Variants in LSAMP observed in about 807,000 individuals in gnomAD.
The protein encoded by LSAMP is limbic system associated membrane protein.
In LSAMP, 7 loss-of-function variants were observed where a neutral mutation model predicts 38.6. The ratio of observed to expected loss-of-function variants is 0.18; its 90% CI spans 0.10 to 0.34. LSAMP has a LOEUF of 0.34. Ranked by LOEUF, LSAMP falls within the 10% of genes least tolerant of loss-of-function variation. The probability of loss-of-function intolerance (pLI) is 1.00; values close to 1 mark genes in which losing one functional copy is unlikely to be tolerated. For missense variants in LSAMP, 313 were observed against 420.0 expected (o/e 0.75, Z 2.23); for synonymous variants, 154 against 166.8 (o/e 0.92, Z 0.59).
chr3:115,815,682 T>C (rs989738996), intron 6 of LSAMP, among the ~76,000 whole-genome samples: 5 of 152,230 alleles, frequency 3.3e-5, no homozygotes, highest in African/African-American at 1.2e-4. Context: ...ATCAAAGCCA[T>C]AATGTATCAC....
chr3:116,313,221 T>G (rs2047582239), intron 1 of LSAMP, among the ~76,000 whole-genome samples: 1 of 152,218 alleles, frequency 6.6e-6, no homozygotes, highest in Non-Finnish European at 1.5e-5. Context: ...ACCACAGCTC[T>G]GCAACACTCG....
At chr3:116,187,058 G>T (rs753092461) in intron 1 of LSAMP, among the ~76,000 whole-genome samples, 2 of 152,106 alleles carry the variant, frequency 1.3e-5, no homozygotes, top group African/African-American at 4.8e-5. Flanking sequence ...CTCTTATCCT[G>T]ATGTCTCTGA....
chr3:115,886,153 C>T (rs942163287), intron 3 of LSAMP, among the ~76,000 whole-genome samples: 6 of 151,790 alleles, frequency 4.0e-5, no homozygotes, highest in Admixed American at 3.9e-4. Context: ...TAATCCATAT[C>T]AGTGAGGAGG....
At chr3:116,002,664 CA>C (rs1940032220) in intron 3 of LSAMP, among the ~76,000 whole-genome samples, 1 of 152,096 alleles carries the variant, frequency 6.6e-6, no homozygotes, top group South Asian at 2.1e-4. Flanking sequence ...AATGTCCAGA[CA>C]GGAAGAAAGT....
intron 3 of LSAMP, among the ~76,000 whole-genome samples, chr3:115,866,254 T>G (rs547233953): frequency 1.3e-5 from 2 of 152,258 alleles, no homozygotes; most frequent in African/African-American, 4.8e-5. Context: ...AGACACTAGA[T>G]TCATGACAAA....
rs556836245 is a variant in LSAMP at position 116,035,999 on chromosome 3, T to C, written c.389-16359A>G. Among the ~76,000 whole-genome samples the C allele has an allele frequency of 2.0e-5, 3 of 152,292 alleles. No homozygotes were observed. In the East Asian group the frequency reaches 5.8e-4, roughly 29 times the overall value. The stretch of plus-strand genomic sequence containing the variant: ...CCTTCTTACCTTGTCACAGCGACTG[T>C]GGTGGATACACGATCAAGAAGGCAT... On this transcript the variant is annotated intron_variant, in intron 2 of 6. Transcript: ENST00000490035.
At chr3:115,911,201 G>A (rs569191673) in intron 3 of LSAMP, among the ~76,000 whole-genome samples, 2 of 152,254 alleles carry the variant, frequency 1.3e-5, no homozygotes, top group East Asian at 3.9e-4. Context: ...ATAAATGACA[G>A]CTATAGTAAA....
intron 1 of LSAMP, among the ~76,000 whole-genome samples, chr3:116,259,015 G>C (rs1462604212): frequency 6.6e-6 from 1 of 152,082 alleles, no homozygotes; most frequent in East Asian, 1.9e-4. Context: ...TAGACATTAG[G>C]ATTTAGCTTG....
At chr3:115,937,687 T>C (rs971581869) in intron 3 of LSAMP, among the ~76,000 whole-genome samples, 1 of 151,002 alleles carries the variant, frequency 6.6e-6, no homozygotes, top group Non-Finnish European at 1.5e-5. Flanking sequence ...TATGTAAAAA[T>C]TTTAAATACA....
intron 1 of LSAMP, among the ~76,000 whole-genome samples, chr3:116,191,932 C>G (rs1189792524): frequency 6.6e-6 from 1 of 152,110 alleles, no homozygotes; most frequent in East Asian, 1.9e-4. Flanking sequence ...AGTGTGATCT[C>G]CAGTAAATTA....
In LSAMP at chr3:116,417,629, G is replaced by A. The variant is rs543435224; in HGVS notation, c.155+27248C>T. On this transcript the variant is annotated intron_variant, in intron 1 of 6. Coordinates refer to ENST00000490035, the MANE Select transcript of LSAMP (RefSeq NM_002338.5). ...ACAAGAAAACACAAATCAGAAATAC[G>A]ACAAGGGGGATGAAAAAGGGAGAGA... Among the ~76,000 whole-genome samples the A allele has an allele frequency of 3.9e-5, 6 of 152,212 alleles. No individual in the cohort carries two copies. The East Asian group carries it at 9.7e-4, about 24-fold the overall frequency.
intron 1 of LSAMP, among the ~76,000 whole-genome samples, chr3:116,243,596 T>C (rs2046567543): frequency 6.6e-6 from 1 of 152,224 alleles, no homozygotes; most frequent in Admixed American, 6.5e-5. Flanking sequence ...TTGAATCATC[T>C]ACCCTGAAAC....
intron 2 of LSAMP, among the ~76,000 whole-genome samples, chr3:116,035,874 T>C (rs1045761422): frequency 6.6e-6 from 1 of 152,230 alleles, no homozygotes; most frequent in Non-Finnish European, 1.5e-5. Flanking sequence ...TTCTCCAACC[T>C]CTTGGGGTTC....
At chr3:116,334,598 G>T (rs1016133550) in intron 1 of LSAMP, among the ~76,000 whole-genome samples, 2 of 151,850 alleles carry the variant, frequency 1.3e-5, no homozygotes, top group Non-Finnish European at 2.9e-5. Flanking sequence ...CACACAAAAA[G>T]TCAATCAATG....
intron 1 of LSAMP, among the ~76,000 whole-genome samples, chr3:116,297,474 G>A (rs2047352008): frequency 6.6e-6 from 1 of 152,068 alleles, no homozygotes; most frequent in Non-Finnish European, 1.5e-5. Flanking sequence ...AAACCTTTAT[G>A]TTATCCCTTT....
intron 3 of LSAMP, among the ~76,000 whole-genome samples, chr3:115,952,276 T>TAGC (rs1330227770): frequency 1.3e-5 from 2 of 152,184 alleles, no homozygotes; most frequent in East Asian, 3.9e-4. Flanking sequence ...CGCATGTTTA[T>TAGC]AGCAGCAGAA....
intron 1 of LSAMP, among the ~76,000 whole-genome samples, chr3:116,391,318 C>T (rs2048693198): frequency 6.6e-6 from 1 of 152,012 alleles, no homozygotes; most frequent in East Asian, 1.9e-4. Flanking sequence ...CCCATGTCCC[C>T]GAGGCCGCTG....
At chr3:116,301,234 G>A (rs1186089476) in intron 1 of LSAMP, among the ~76,000 whole-genome samples, 2 of 152,112 alleles carry the variant, frequency 1.3e-5, no homozygotes, top group Non-Finnish European at 2.9e-5. Flanking sequence ...CTCACCTAAA[G>A]TATTTTACCA....
intron 3 of LSAMP, among the ~76,000 whole-genome samples, chr3:115,967,216 C>A (rs1423497868): frequency 6.6e-6 from 1 of 152,168 alleles, no homozygotes; most frequent in African/African-American, 2.4e-5. Flanking sequence ...CCACTAGCTA[C>A]CTTAAATCAT....
Sources: allele counts gnomAD v4.1 joint callset (sites outside exome capture counted in the v4.1 genomes callset), GRCh38; gene constraint gnomAD v4.1.1; transcripts MANE v1.5; gene names NCBI Gene and HGNC (gene_info 2026-07-23, HGNC 2026-07-21).